The following PKNOX1 variants were observed in gnomAD, a reference collection of about 807,000 sequenced individuals.
The protein encoded by PKNOX1 is PBX/knotted 1 homeobox 1, also known as homeobox protein PKNOX1.
Under a neutral mutation model 51.9 loss-of-function variants are expected in PKNOX1, and 15 were observed. The ratio of observed to expected loss-of-function variants is 0.29; its 90% confidence interval spans 0.19 to 0.45. PKNOX1 has a LOEUF of 0.45. PKNOX1 is among the 20% of genes least tolerant of loss of function. The probability of loss-of-function intolerance (pLI) is 1.00; values close to 1 mark genes in which losing one functional copy is unlikely to be tolerated. For missense variants in PKNOX1, 462 were observed against 547.5 expected, an observed-to-expected ratio of 0.84 and a Z score of 1.56; for synonymous variants, 219 against 211.1, an observed-to-expected ratio of 1.04 and a Z score of -0.32.
At chr21:43,028,956 C>A in intron 10 of PKNOX1, 82 bp downstream of exon 10, 2 of 1,388,542 alleles carry the variant, frequency 1.4e-6, no homozygotes, top group Non-Finnish European at 1.0e-6. Context: ...GGCCTGTTAG[C>A]TGTGAGCCTC....
chr21:43,024,841 G>T, intron 8 of PKNOX1, 30 bp from the exon 9 acceptor site: 2 of 1,406,076 alleles, frequency 1.4e-6, no homozygotes, highest in Non-Finnish European at 2.0e-6. Flanking sequence ...AAACTCGAAG[G>T]CCATGGTAAC....
intron 1 of PKNOX1, among the ~76,000 whole-genome samples, chr21:42,995,451 G>T (rs1363152177): frequency 6.6e-6 from 1 of 152,062 alleles, no homozygotes; most frequent in Non-Finnish European, 1.5e-5. Context: ...GCGGAGGTAG[G>T]AGGACGGCTT....
chr21:42,991,743 AAAAC>A (rs2059088751), intron 1 of PKNOX1, among the ~76,000 whole-genome samples: 2 of 152,174 alleles, frequency 1.3e-5, no homozygotes, highest in Non-Finnish European at 2.9e-5. Context: ...CAAAAAAAAA[AAAAC>A]AAACCAAAAA....
intron 5 of PKNOX1, among the ~76,000 whole-genome samples, chr21:43,015,510 CTA>C (rs1427353902): frequency 6.6e-6 from 1 of 152,034 alleles, no homozygotes; most frequent in African/African-American, 2.4e-5. Context: ...GCATTTTTGT[CTA>C]TATTTGTAAG....
At chr21:42,998,190 GA>G (rs1418361890) in intron 1 of PKNOX1, among the ~76,000 whole-genome samples, 1 of 152,172 alleles carries the variant, frequency 6.6e-6, no homozygotes. Context: ...GTCTTACATG[GA>G]TGGCAGCAGG....
intron 1 of PKNOX1, among the ~76,000 whole-genome samples, chr21:42,979,080 T>C (rs1741134444): frequency 6.6e-6 from 1 of 152,204 alleles, no homozygotes; most frequent in Admixed American, 6.5e-5. Flanking sequence ...TGAAAAAGTT[T>C]TGTAGAAGTG....
chr21:42,999,484 C>T (rs234761), intron 1 of PKNOX1, among the ~76,000 whole-genome samples: 24,897 of 138,156 alleles, frequency 0.18, 2,496 homozygotes, highest in Non-Finnish European at 0.23. Flanking sequence ...ATTTTCTTTT[C>T]TTTTTTTTTC....
At chr21:43,017,991 G>A in intron 6 of PKNOX1, 142 bp from the exon 7 acceptor site, 1 of 559,590 alleles carries the variant, frequency 1.8e-6, no homozygotes, top group Non-Finnish European at 3.0e-6. Flanking sequence ...AGGAGGATCA[G>A]TTGAAGCCAG....
intron 1 of PKNOX1, among the ~76,000 whole-genome samples, chr21:42,998,652 G>A (rs1978613454): frequency 6.6e-6 from 1 of 152,186 alleles, no homozygotes; most frequent in Non-Finnish European, 1.5e-5. Flanking sequence ...CCAAAACAAA[G>A]AGGCTACAGG....
chr21:43,029,800 G>C lies in PKNOX1; in HGVS notation c.1100-90G>C, dbSNP rs543889471. ...TATAGGTGTTTTATTTTAACTTTAG[G>C]TCAAACGAGCAAACAGCACCCAATT... On this transcript the variant is annotated intron_variant, in intron 10 of 10. Transcript: ENST00000291547. The C allele has an allele frequency of 1.8e-5, 20 of 1,100,792 alleles. No individual in the cohort carries two copies. The African/African-American group carries it at 3.1e-4, about 17-fold the overall frequency. The allele number at this position is 1,100,792 out of a possible 1,614,324, so 68.2% of individuals were successfully genotyped here. A position where few individuals can be genotyped will look rare whatever the true frequency, so the allele number is the denominator to read the frequency against.
chr21:42,994,916 TTC>T lies in PKNOX1; in HGVS notation c.-56-9408_-56-9407del, dbSNP rs1353004204. Among the ~76,000 whole-genome samples, 141 of 110,204 alleles carry T rather than the reference TTC, an allele frequency of 1.3e-3. 1 individual carries two copies. The highest frequency in any genetic ancestry group is 2.5e-3 in the Admixed American group (21 of 8,452). 72.3% of individuals were successfully genotyped at this position (110,204 alleles called of 152,430 possible). A position where few individuals can be genotyped will look rare whatever the true frequency, so the allele number is the denominator to read the frequency against. On this transcript the variant is annotated intron_variant, in intron 1 of 10. Coordinates refer to ENST00000291547, the MANE Select transcript of PKNOX1 (RefSeq NM_004571.5). ...GTTTCTTTTCTTTTCTTTTTCTTTC[TTC>T]TTTTTTTTTTTTTTTTTTTTTAAGA... is the stretch of plus-strand genomic sequence containing the variant.
At position 42,987,683 on chromosome 21, in the gene PKNOX1, AT is replaced by A. The variant is rs1025276321; in HGVS notation, c.-57+13020del. Among the ~76,000 whole-genome samples the A allele has an allele frequency of 2.1e-5, 3 of 141,130 alleles. No homozygotes were observed. The Admixed American group carries it at 2.2e-4, about 10-fold the overall frequency. The allele number at this position is 141,130 out of a possible 152,430, so 92.6% of individuals were successfully genotyped here. A position where few individuals can be genotyped will look rare whatever the true frequency, so the allele number is the denominator to read the frequency against. On this transcript the variant is annotated intron_variant, in intron 1 of 10. Transcript: ENST00000291547. ...ACCCGGGCTGGAGTGCAGTGGCGCG[AT>A]CTCGGCTCACTGCAAGCTCTGCCTC...
At chr21:43,005,602 G>C (rs935838478) in intron 2 of PKNOX1, among the ~76,000 whole-genome samples, 3 of 151,654 alleles carry the variant, frequency 2.0e-5, no homozygotes, top group Admixed American at 2.0e-4. Context: ...GCTCCCTGTG[G>C]ATTCCTGTGG....
At chr21:43,009,565 C>T (rs190140619) in intron 3 of PKNOX1, among the ~76,000 whole-genome samples, 93 of 138,190 alleles carry the variant, frequency 6.7e-4, no homozygotes, top group Middle Eastern at 7.7e-3. Context: ...GACCCGAGAT[C>T]GTGCCGCTGC....
intron 6 of PKNOX1, 148 bp from the exon 7 acceptor site, chr21:43,017,985 G>A: frequency 3.6e-6 from 2 of 560,330 alleles, no homozygotes; most frequent in South Asian, 4.4e-5. Context: ...CAAGGCAGGA[G>A]GATCAGTTGA....
At chr21:42,992,573 G>A (rs988643403) in intron 1 of PKNOX1, among the ~76,000 whole-genome samples, 2 of 152,176 alleles carry the variant, frequency 1.3e-5, no homozygotes, top group African/African-American at 4.8e-5. Context: ...CAGCGGCTGG[G>A]GGTGACGTAA....
intron 3 of PKNOX1, among the ~76,000 whole-genome samples, chr21:43,009,771 G>A (rs1256595008): frequency 6.6e-6 from 1 of 152,148 alleles, no homozygotes; most frequent in Non-Finnish European, 1.5e-5. Context: ...TATAGAGATA[G>A]CAAGTAGGTT....
At chr21:42,986,724 A>G (rs1027723251) in intron 1 of PKNOX1, among the ~76,000 whole-genome samples, 8 of 152,270 alleles carry the variant, frequency 5.3e-5, no homozygotes, top group Middle Eastern at 6.8e-3. Flanking sequence ...GGTGTCCTGG[A>G]GAAGGTATTT....
chr21:43,014,053 G>T (rs234695), intron 5 of PKNOX1, among the ~76,000 whole-genome samples: 1 of 135,316 alleles, frequency 7.4e-6, no homozygotes, highest in Non-Finnish European at 1.5e-5. Flanking sequence ...ACAGAGTCTC[G>T]CTCCATCACC....
Sources: allele counts gnomAD v4.1 joint callset (sites outside exome capture counted in the v4.1 genomes callset), GRCh38; gene constraint gnomAD v4.1.1; transcripts MANE v1.5; gene names NCBI Gene and HGNC (gene_info 2026-07-23, HGNC 2026-07-21).